Variants in CADM2 observed in about 807,000 individuals in gnomAD.
The protein encoded by CADM2 is cell adhesion molecule 2, also known as immunoglobulin superfamily member 4D.
In CADM2, 12 loss-of-function variants were observed where a neutral mutation model predicts 49.8. The ratio of observed to expected loss-of-function variants is 0.24; its 90% CI spans 0.15 to 0.39. The LOEUF is 0.39. CADM2 is among the 10% of genes least tolerant of loss of function. The pLI is 1.00. For missense variants in CADM2, 378 were observed against 492.3 expected (o/e 0.77, Z 2.20); for synonymous variants, 214 against 175.4 (o/e 1.22, Z -1.74).
intron 1 of CADM2, among the ~76,000 whole-genome samples, chr3:85,015,581 T>C (rs1362706012): frequency 6.6e-6 from 1 of 152,146 alleles, no homozygotes. Flanking sequence ...ACAAAAATGA[T>C]TAATATAATG....
At chr3:85,886,050 A>T in intron 4 of CADM2, 140 bp from the exon 5 acceptor site, 1 of 1,261,440 alleles carries the variant, frequency 7.9e-7, no homozygotes, top group Non-Finnish European at 1.1e-6. Context: ...GAAGCAGTTT[A>T]TTACATAGTA....
intron 1 of CADM2, among the ~76,000 whole-genome samples, chr3:84,995,559 C>G (rs1370393622): frequency 6.6e-6 from 1 of 152,096 alleles, no homozygotes; most frequent in Non-Finnish European, 1.5e-5. Context: ...CTTAGTATTT[C>G]CAAGACTCAG....
At chr3:85,078,505 T>A (rs1164645597) in intron 1 of CADM2, among the ~76,000 whole-genome samples, 1 of 151,926 alleles carries the variant, frequency 6.6e-6, no homozygotes, top group Non-Finnish European at 1.5e-5. Context: ...TAAAGACTCT[T>A]TTGTAGCATT....
chr3:85,194,936 G>T (rs1257644479), intron 1 of CADM2, among the ~76,000 whole-genome samples: 1 of 151,960 alleles, frequency 6.6e-6, no homozygotes, highest in Non-Finnish European at 1.5e-5. Context: ...ATGAACTCCT[G>T]GGCTAAAGCA....
At chr3:85,494,656 ATTAAGCCATCAT>A (rs1159773139) in intron 1 of CADM2, among the ~76,000 whole-genome samples, 1 of 152,248 alleles carries the variant, frequency 6.6e-6, no homozygotes, top group Non-Finnish European at 1.5e-5. Context: ...GAGGTGACAC[ATTAAGCCATCAT>A]TTCCATTGAG....
intron 1 of CADM2, among the ~76,000 whole-genome samples, chr3:85,106,228 T>G (rs1233508972): frequency 1.3e-5 from 2 of 152,114 alleles, no homozygotes; most frequent in Non-Finnish European, 2.9e-5. Context: ...ATTATGAAGG[T>G]TGCATTGATA....
chr3:85,871,521 T>G (rs1283424449), intron 3 of CADM2, among the ~76,000 whole-genome samples: 1 of 152,206 alleles, frequency 6.6e-6, no homozygotes, highest in Non-Finnish European at 1.5e-5. Flanking sequence ...ATATTATCTA[T>G]GTAACTTTGG....
intron 1 of CADM2, among the ~76,000 whole-genome samples, chr3:85,563,412 G>A (rs937707518): frequency 1.0e-4 from 5 of 48,720 alleles, no homozygotes; most frequent in Non-Finnish European, 2.9e-4. Context: ...GTGTGTGTGT[G>A]GGGGGGTGGT....
At chr3:85,157,699 T>A (rs1455459816) in intron 1 of CADM2, among the ~76,000 whole-genome samples, 1 of 151,730 alleles carries the variant, frequency 6.6e-6, no homozygotes, top group Non-Finnish European at 1.5e-5. Context: ...TCAAGATGGA[T>A]TAAAGACTTA....
chr3:85,784,521 T>G (rs1216777086), intron 2 of CADM2, among the ~76,000 whole-genome samples: 1 of 139,650 alleles, frequency 7.2e-6, no homozygotes, highest in Non-Finnish European at 1.5e-5. Flanking sequence ...GAAAGAGATC[T>G]AAATATATTT....
At chr3:85,895,379 A>G (rs779297475) in intron 5 of CADM2, among the ~76,000 whole-genome samples, 1 of 152,148 alleles carries the variant, frequency 6.6e-6, no homozygotes, top group Non-Finnish European at 1.5e-5. Flanking sequence ...ATTTTGGCCA[A>G]TTTCTCCCAT....
intron 1 of CADM2, among the ~76,000 whole-genome samples, chr3:85,237,561 T>A (rs1380517529): frequency 2.0e-5 from 3 of 151,216 alleles, no homozygotes; most frequent in Non-Finnish European, 4.4e-5. Context: ...AATACATAAA[T>A]ATAAATTTAA....
chr3:85,758,006 C>T (rs756419767), intron 2 of CADM2, among the ~76,000 whole-genome samples: 1 of 152,048 alleles, frequency 6.6e-6, no homozygotes, highest in African/African-American at 2.4e-5. Context: ...TGTAAAGTTA[C>T]GTTGCTTTAT....
intron 7 of CADM2, among the ~76,000 whole-genome samples, chr3:85,940,659 T>A (rs750540671): frequency 7.9e-5 from 12 of 152,098 alleles, no homozygotes; most frequent in Non-Finnish European, 1.6e-4. Flanking sequence ...AATTAATCAT[T>A]GAGATCTGTA....
chr3:85,145,216 C>A (rs1380350340), intron 1 of CADM2, among the ~76,000 whole-genome samples: 3 of 152,146 alleles, frequency 2.0e-5, no homozygotes, highest in Admixed American at 6.5e-5. Flanking sequence ...GGAAGAAAAT[C>A]ACACTAAAAT....
chr3:85,291,276 T>C (rs896839596), intron 1 of CADM2, among the ~76,000 whole-genome samples: 3 of 151,624 alleles, frequency 2.0e-5, no homozygotes, highest in African/African-American at 4.9e-5. Context: ...CTCCAAGAAA[T>C]ATGGGACTAT....
At chr3:85,344,250 A>G (rs765667937) in intron 1 of CADM2, among the ~76,000 whole-genome samples, 29 of 151,628 alleles carry the variant, frequency 1.9e-4, no homozygotes, top group South Asian at 8.3e-4. Flanking sequence ...GCGTGGTGGC[A>G]GGCACCTGTA....
chr3:85,626,102 A>C (rs1347744460), intron 1 of CADM2, among the ~76,000 whole-genome samples: 1 of 152,040 alleles, frequency 6.6e-6, no homozygotes, highest in African/African-American at 2.4e-5. Context: ...TTAGTAATTT[A>C]CTGATAATAG....
At chr3:85,241,009 G>A (rs999684593) in intron 1 of CADM2, among the ~76,000 whole-genome samples, 2 of 151,232 alleles carry the variant, frequency 1.3e-5, no homozygotes, top group African/African-American at 2.4e-5. Flanking sequence ...AATATTTGGG[G>A]GTTTCAAAAT....
Sources: allele counts gnomAD v4.1 joint callset (sites outside exome capture counted in the v4.1 genomes callset), GRCh38; gene constraint gnomAD v4.1.1; transcripts MANE v1.5; gene names NCBI Gene and HGNC (gene_info 2026-07-23, HGNC 2026-07-21).